Variants in FAF1 observed in about 807,000 individuals in gnomAD.
FAF1 encodes the protein FAS-associated factor 1.
A neutral mutation model predicts 92.5 loss-of-function variants in FAF1; 25 were observed. That is an observed-to-expected ratio of 0.27 (90% confidence interval 0.20 to 0.38). The LOEUF (loss-of-function observed/expected upper bound fraction) is 0.38. FAF1 is among the 10% of genes least tolerant of loss of function. FAF1 has a pLI of 1.00. For synonymous variants in FAF1, 234 were observed against 273.2 expected (o/e 0.86, Z 1.42); for missense variants, 636 against 793.3 (o/e 0.80, Z 2.38).
chr1:50,640,024 G>A (rs566408960), intron 8 of FAF1, among the ~76,000 whole-genome samples: 3 of 150,262 alleles, frequency 2.0e-5, no homozygotes, highest in South Asian at 2.1e-4. Context: ...CTTTTAAAAT[G>A]TATTATTCAT....
At chr1:50,871,686 T>C (rs1000834070) in intron 1 of FAF1, among the ~76,000 whole-genome samples, 7 of 152,186 alleles carry the variant, frequency 4.6e-5, no homozygotes, top group African/African-American at 1.2e-4. Context: ...TACTATTCAT[T>C]GACAATGCAC....
chr1:50,960,232 C>T lies in FAF1; in HGVS notation c.-421G>A, dbSNP rs1476485624. 6.0e-6 allele frequency: 2 copies of T among 334,492 alleles called. No individual in the cohort carries two copies. The highest frequency in any genetic ancestry group is 1.1e-5 in the Non-Finnish European group (2 of 183,780). The allele number at this position is 334,492 out of a possible 1,614,324, so 20.7% of individuals were successfully genotyped here. A position where few individuals can be genotyped will look rare whatever the true frequency, so the allele number is the denominator to read the frequency against. On this transcript the variant is annotated 5_prime_UTR_variant, in exon 1 of 19. Coordinates refer to ENST00000396153, the MANE Select transcript of FAF1 (RefSeq NM_007051.3). ...AACGCCGCGGCCGCCTCCGCCTCCT[C>T]CGCTTCCTCCCTGGCCGCCGCCTCC...
intron 18 of FAF1, among the ~76,000 whole-genome samples, chr1:50,463,443 T>G (rs1035773408): frequency 1.3e-5 from 2 of 152,338 alleles, no homozygotes; most frequent in African/African-American, 4.8e-5. Context: ...AACTTAGAGA[T>G]AGTCTTGGGG....
chr1:50,641,931 G>A (rs1440892493), intron 8 of FAF1, among the ~76,000 whole-genome samples: 3 of 151,978 alleles, frequency 2.0e-5, no homozygotes, highest in Non-Finnish European at 2.9e-5. Flanking sequence ...GGCCAGGCGC[G>A]GGGGCTCATG....
intron 7 of FAF1, among the ~76,000 whole-genome samples, chr1:50,663,531 T>C (rs113611542): frequency 0.067 from 10,040 of 150,106 alleles, 442 homozygotes; most frequent in East Asian, 0.094. Flanking sequence ...GCCTCCCAAC[T>C]ACCTGGGACC....
At chr1:50,495,775 A>G (rs1646890747) in intron 15 of FAF1, among the ~76,000 whole-genome samples, 1 of 152,152 alleles carries the variant, frequency 6.6e-6, no homozygotes, top group South Asian at 2.1e-4. Flanking sequence ...AGCATTTGTT[A>G]TTCCCTGTCT....
rs187184312 is a variant in FAF1, at chr1:50,844,423, T to A, written c.114+13506A>T. On this transcript the variant is annotated intron_variant, in intron 2 of 18. Coordinates refer to ENST00000396153, the MANE Select transcript of FAF1 (RefSeq NM_007051.3). ...TACTTAGATATTCACTTTTTCTTGCTAAACCTGTACATAATTCCATAAACT... is the reference window on the plus strand; with the variant it reads ...TACTTAGATATTCACTTTTTCTTGCAAAACCTGTACATAATTCCATAAACT... Among the ~76,000 whole-genome samples the A allele has an allele frequency of 1.6e-4, 25 of 152,234 alleles. No homozygotes were observed. The East Asian group carries it at 4.8e-3, about 29-fold the overall frequency.
intron 15 of FAF1, among the ~76,000 whole-genome samples, chr1:50,503,527 C>T (rs1199810096): frequency 6.6e-6 from 1 of 151,448 alleles, no homozygotes; most frequent in East Asian, 1.9e-4. Context: ...CCTGAGGAGA[C>T]TCACTTGGGC....
intron 1 of FAF1, among the ~76,000 whole-genome samples, chr1:50,880,715 C>A (rs567309362): frequency 1.3e-5 from 2 of 152,104 alleles, no homozygotes; most frequent in African/African-American, 4.8e-5. Flanking sequence ...ACCCAGTGTA[C>A]GATATTGTTA....
chr1:50,753,757 CTTT>C (rs58567132), intron 4 of FAF1, among the ~76,000 whole-genome samples: 2,732 of 130,508 alleles, frequency 0.021, 59 homozygotes, highest in African/African-American at 0.073. Flanking sequence ...ATTATCTGTT[CTTT>C]TTTTTTTTTT....
chr1:50,917,763 GC>G (rs1644931612), intron 1 of FAF1, among the ~76,000 whole-genome samples: 1 of 152,096 alleles, frequency 6.6e-6, no homozygotes, highest in African/African-American at 2.4e-5. Flanking sequence ...ATCAGGACCA[GC>G]CAGGGTTAAG....
At chr1:50,726,063 G>T (rs1371148927) in intron 6 of FAF1, among the ~76,000 whole-genome samples, 1 of 151,972 alleles carries the variant, frequency 6.6e-6, no homozygotes, top group Non-Finnish European at 1.5e-5. Flanking sequence ...GACCAGCCTG[G>T]CCAAGATGGT....
intron 1 of FAF1, among the ~76,000 whole-genome samples, chr1:50,896,033 AAGTACTAGCTAG>A (rs1473615715): frequency 6.6e-6 from 1 of 152,218 alleles, no homozygotes; most frequent in Non-Finnish European, 1.5e-5. Flanking sequence ...ACAGTACTGG[AAGTACTAGCTAG>A]AGCAATCAGA....
intron 1 of FAF1, among the ~76,000 whole-genome samples, chr1:50,885,071 T>G (rs1265569936): frequency 6.6e-6 from 1 of 152,190 alleles, no homozygotes; most frequent in African/African-American, 2.4e-5. Flanking sequence ...TTGCTCTGAG[T>G]AGTCACTAAT....
chr1:50,450,805 C>G (rs1255279217), intron 18 of FAF1, among the ~76,000 whole-genome samples: 1 of 152,164 alleles, frequency 6.6e-6, no homozygotes, highest in Non-Finnish European at 1.5e-5. Context: ...TAAGGGATTA[C>G]AATTATTAAT....
chr1:50,860,739 T>C (rs2124669248), intron 1 of FAF1, among the ~76,000 whole-genome samples: 1 of 151,724 alleles, frequency 6.6e-6, no homozygotes, highest in Non-Finnish European at 1.5e-5. Context: ...TCCCTATGTA[T>C]ATATTAAAAA....
rs542569116 is a variant in FAF1 at position 50,483,911 on chromosome 1, G to GT, written c.1653+6676dup. Among the ~76,000 whole-genome samples, 21 of 152,238 alleles carry GT rather than the reference G, an allele frequency of 1.4e-4. No individual in the cohort carries two copies. The South Asian group carries it at 3.5e-3, about 26-fold the overall frequency. ...GAAAGAGCAGGTTTGGGTGGGGAGG[G>GT]TAGGATCAGTTGTGCAATTTAAAAC... On this transcript the variant is annotated intron_variant, in intron 17 of 18. Coordinates refer to ENST00000396153, the MANE Select transcript of FAF1 (RefSeq NM_007051.3).
intron 7 of FAF1, among the ~76,000 whole-genome samples, chr1:50,704,186 A>C (rs1190193240): frequency 6.6e-6 from 1 of 152,154 alleles, no homozygotes; most frequent in Non-Finnish European, 1.5e-5. Flanking sequence ...ATTTGAAAAC[A>C]CTGAATAGCA....
At chr1:50,958,350 A>G (rs968319590) in intron 1 of FAF1, among the ~76,000 whole-genome samples, 1 of 152,180 alleles carries the variant, frequency 6.6e-6, no homozygotes, top group Non-Finnish European at 1.5e-5. Context: ...CCAAAACAGC[A>G]AACTCTGAAA....
Sources: allele counts gnomAD v4.1 joint callset (sites outside exome capture counted in the v4.1 genomes callset), GRCh38; gene constraint gnomAD v4.1.1; transcripts MANE v1.5; gene names NCBI Gene and HGNC (gene_info 2026-07-23, HGNC 2026-07-21).